CLSTN2: variants seen among roughly 807,000 people sequenced by gnomAD.
CLSTN2 encodes calsyntenin 2.
Under a neutral mutation model 101.2 loss-of-function variants are expected in CLSTN2, and 48 were observed. The observed-to-expected ratio is 0.47, with a 90% confidence interval of 0.38 to 0.60. The LOEUF is 0.60. Among genes scored for constraint, CLSTN2 ranks in the 20% least tolerant of loss-of-function variants. The pLI is 0.00. For synonymous variants in CLSTN2, 481 were observed against 463.6 expected (o/e 1.04, Z -0.48); for missense variants, 1,160 against 1,238.2 (o/e 0.94, Z 0.95).
At chr3:140,246,045 G>A (rs1477179762) in intron 2 of CLSTN2, among the ~76,000 whole-genome samples, 1 of 152,126 alleles carries the variant, frequency 6.6e-6, no homozygotes, top group Non-Finnish European at 1.5e-5. Context: ...CTGTAAATAA[G>A]ACAACTTGTA....
At chr3:140,150,993 T>C (rs1158699202) in intron 1 of CLSTN2, among the ~76,000 whole-genome samples, 1 of 152,058 alleles carries the variant, frequency 6.6e-6, no homozygotes, top group Non-Finnish European at 1.5e-5. Context: ...GGGCTCCTTA[T>C]GGTTTTATCA....
intron 4 of CLSTN2, among the ~76,000 whole-genome samples, chr3:140,408,512 C>A (rs2088329725): frequency 6.6e-6 from 1 of 152,192 alleles, no homozygotes; most frequent in East Asian, 1.9e-4. Context: ...GCTTTCACTG[C>A]CAAGGAGCCT....
intron 1 of CLSTN2, among the ~76,000 whole-genome samples, chr3:139,951,260 C>A (rs1935289252): frequency 6.6e-6 from 1 of 152,070 alleles, no homozygotes; most frequent in Non-Finnish European, 1.5e-5. Flanking sequence ...TGCTTACAGG[C>A]CGAAATTGCC....
rs541732383 is a variant in CLSTN2, at chr3:140,426,497, T to G, written c.787+5223T>G. Among the ~76,000 whole-genome samples, 19 of 152,372 alleles carry G rather than the reference T, an allele frequency of 1.2e-4. No homozygotes were observed. In the South Asian group the frequency reaches 3.7e-3, roughly 30 times the overall value. Reference sequence around the variant, plus strand: ...GCCACATAGTATTCCGTGGTGTATATATATGAACTACATTTTCTTTAAGGG... The same window carrying G: ...GCCACATAGTATTCCGTGGTGTATAGATATGAACTACATTTTCTTTAAGGG... On this transcript the variant is annotated intron_variant, in intron 5 of 16. Transcript: ENST00000458420.
chr3:140,084,862 G>A (rs1029312311), intron 1 of CLSTN2, among the ~76,000 whole-genome samples: 3 of 152,226 alleles, frequency 2.0e-5, no homozygotes, highest in African/African-American at 7.2e-5. Flanking sequence ...TCCTGAGGAA[G>A]TCTACTTGCT....
intron 2 of CLSTN2, among the ~76,000 whole-genome samples, chr3:140,199,735 A>C (rs1248613698): frequency 1.3e-5 from 2 of 152,200 alleles, no homozygotes; most frequent in Non-Finnish European, 2.9e-5. Flanking sequence ...CTGGGTAGCT[A>C]TACAGCTAAT....
At chr3:139,939,761 A>G (rs1305542839) in intron 1 of CLSTN2, among the ~76,000 whole-genome samples, 1 of 152,222 alleles carries the variant, frequency 6.6e-6, no homozygotes, top group Admixed American at 6.5e-5. Context: ...GGATTGTTCT[A>G]AGTCATCTTT....
At chr3:140,362,484 G>A (rs763236775) in intron 2 of CLSTN2, among the ~76,000 whole-genome samples, 1 of 151,976 alleles carries the variant, frequency 6.6e-6, no homozygotes. Flanking sequence ...TTAAACTTTT[G>A]TGCTTCAAAA....
At chr3:140,027,838 C>A (rs990290504) in intron 1 of CLSTN2, among the ~76,000 whole-genome samples, 1 of 152,200 alleles carries the variant, frequency 6.6e-6, no homozygotes, top group Admixed American at 6.5e-5. Context: ...AGGGATAGAG[C>A]AGGTAGCAGC....
chr3:140,027,918 G>T (rs540766505), intron 1 of CLSTN2, among the ~76,000 whole-genome samples: 4 of 152,156 alleles, frequency 2.6e-5, no homozygotes, highest in Non-Finnish European at 5.9e-5. Context: ...CCACTGACTC[G>T]CTTGGTAACA....
chr3:140,558,801 T>C lies in CLSTN2; in HGVS notation c.1985T>C (p.Ile662Thr). 1.2e-6 allele frequency: 2 copies of C among 1,613,980 alleles called. No individual in the cohort carries two copies. Among genetic ancestry groups the C allele is most frequent in the Non-Finnish European group, 1.7e-6 (2 of 1,179,984 alleles). ...AGGGGAGTGACCCTCTTCCCTGATA[T>C]CAAGATTGTGAGCACCTTCGCCAAA... ...SARGVTLFPDIKIVSTFAKTE... is the reference protein window; with the variant it reads ...SARGVTLFPDTKIVSTFAKTE... The change falls in exon 12 of 17, where the codon ATC becomes ACC. Residue 662 changes from isoleucine (I) to threonine (T), a missense_variant. Transcript: ENST00000458420.
chr3:140,120,040 A>G (rs935883400), intron 1 of CLSTN2, among the ~76,000 whole-genome samples: 9 of 152,194 alleles, frequency 5.9e-5, no homozygotes, highest in Admixed American at 2.6e-4. Context: ...AAATGCGTAG[A>G]GGTTTTTCCC....
At chr3:140,060,546 G>T (rs969187009) in intron 1 of CLSTN2, among the ~76,000 whole-genome samples, 1 of 152,144 alleles carries the variant, frequency 6.6e-6, no homozygotes, top group Non-Finnish European at 1.5e-5. Context: ...ACACTTCCTG[G>T]CTGTCTGAGT....
At position 139,935,742 on chromosome 3, in the gene CLSTN2, T is replaced by C. The variant is rs1225732175; in HGVS notation, c.109+259T>C. Among the ~76,000 whole-genome samples, 4 of 151,674 alleles carry C rather than the reference T, an allele frequency of 2.6e-5. No individual in the cohort carries two copies. Among genetic ancestry groups the C allele is most frequent in the African/African-American group, 7.3e-5 (3 of 41,300 alleles). On this transcript the variant is annotated intron_variant, in intron 1 of 16. Coordinates refer to ENST00000458420, the MANE Select transcript of CLSTN2 (RefSeq NM_022131.3). This position sits in a 1 kb window ranked among gnomAD's most constrained non-coding sequence, Gnocchi z 5.5. ...CGAGGTCTGGGGAGTACGGACAACTTTGAGGGCTGTCTGTGCCGGGGTGGG... is the reference window on the plus strand; with the variant it reads ...CGAGGTCTGGGGAGTACGGACAACTCTGAGGGCTGTCTGTGCCGGGGTGGG...
chr3:140,368,895 G>A (rs1040170504), intron 2 of CLSTN2, among the ~76,000 whole-genome samples: 2 of 152,120 alleles, frequency 1.3e-5, no homozygotes, highest in African/African-American at 2.4e-5. Flanking sequence ...TATCATTCAC[G>A]GATTTTCTTA....
Position 140,496,463 on chromosome 3 carries a change from T to C in CLSTN2, c.1344+29732T>C, listed in dbSNP as rs1023305524. Among the ~76,000 whole-genome samples the C allele has an allele frequency of 2.0e-5, 3 of 152,314 alleles. No individual in the cohort carries two copies. In the South Asian group the frequency reaches 6.2e-4, roughly 32 times the overall value. On this transcript the variant is annotated intron_variant, in intron 8 of 16. Transcript: ENST00000458420. ...TATTTGAATACGTTTCATTTCTTTC[T>C]CTTGCCTGATTTCCTGGGCCAAACT...
intron 1 of CLSTN2, among the ~76,000 whole-genome samples, chr3:139,996,690 T>G (rs1410072583): frequency 1.3e-5 from 2 of 152,234 alleles, no homozygotes; most frequent in African/African-American, 4.8e-5. Flanking sequence ...ATTTTCCTGT[T>G]TGCTATCAAG....
intron 2 of CLSTN2, among the ~76,000 whole-genome samples, chr3:140,360,071 G>T (rs982760083): frequency 6.0e-5 from 9 of 151,104 alleles, no homozygotes; most frequent in African/African-American, 1.7e-4. Context: ...CCACTCCCAT[G>T]CTGGGAACAC....
intron 4 of CLSTN2, among the ~76,000 whole-genome samples, chr3:140,417,003 T>C (rs2088439077): frequency 6.6e-6 from 1 of 152,228 alleles, no homozygotes; most frequent in African/African-American, 2.4e-5. Context: ...ATATGCCTTG[T>C]GTGGGAAATT....
Sources: gnomAD v4.1 joint callset for allele counts (sites outside exome capture counted in the v4.1 genomes callset) on GRCh38, gnomAD v4.1.1 for gene constraint, Gnocchi (gnomAD v3.1) non-coding constraint, MANE v1.5 for transcripts, NCBI Gene and HGNC (gene_info 2026-07-23, HGNC 2026-07-21) for gene names.